CORO7: variants seen among roughly 807,000 people sequenced by gnomAD.
CORO7 encodes the protein coronin 7.
CORO7 carries 107 observed loss-of-function variants against 126.6 expected under a neutral mutation model. The observed-to-expected ratio is 0.85, with a 90% CI of 0.72 to 0.99. CORO7 has a LOEUF of 0.99. CORO7 is among the 50% of genes least tolerant of loss of function. The pLI is 0.00. For missense variants in CORO7, 1,314 were observed against 1,255.8 expected, an observed-to-expected ratio of 1.05 and a Z score of -0.70; for synonymous variants, 603 against 536.8, an observed-to-expected ratio of 1.12 and a Z score of -1.70.
intron 6 of CORO7, among the ~76,000 whole-genome samples, chr16:4,404,125 AAGTT>A (rs1210443706): frequency 6.6e-6 from 1 of 152,244 alleles, no homozygotes; most frequent in African/African-American, 2.4e-5. Context: ...ACAGAAAAGA[AAGTT>A]AGACTAGGGT....
At chr16:4,384,968 G>A (rs1488094383) in intron 9 of CORO7, among the ~76,000 whole-genome samples, 1 of 152,184 alleles carries the variant, frequency 6.6e-6, no homozygotes. Context: ...GGTGGCAGGG[G>A]GCAGTGGCGG....
Position 4,409,059 on chromosome 16 carries a change from G to A in CORO7, c.233-808C>T, listed in dbSNP as rs532497597. 1.3e-5 allele frequency among the ~76,000 whole-genome samples: 2 copies of A among 152,168 alleles called. 1 individual carries two copies. The highest frequency in any genetic ancestry group is 4.1e-4 in the South Asian group (2 of 4,834). ...GAGCCAGACCCCAGAGGGAAATGCG[G>A]TGGGTGGTTGGGGAGGTAGAGACTA... On this transcript the variant is annotated intron_variant, in intron 3 of 27. Transcript: ENST00000251166.
chr16:4,390,799 T>C (rs1157006194), intron 7 of CORO7, among the ~76,000 whole-genome samples: 1 of 152,172 alleles, frequency 6.6e-6, no homozygotes, highest in Admixed American at 6.5e-5. Flanking sequence ...CTGCACAAGA[T>C]GGACGTGAGG....
rs201660347 is a variant in CORO7 at position 4,362,691 on chromosome 16, G to A, written c.1323C>T (p.Pro441=). Residue 441 remains proline (P), a synonymous_variant, in exon 15 of 28, where the codon CCC becomes CCT. Coordinates refer to ENST00000251166, the MANE Select transcript of CORO7 (RefSeq NM_024535.5). This position sits in a 1 kb window ranked among gnomAD's most constrained non-coding sequence, Gnocchi z 5.3. The part of the protein sequence containing the change: ...PPSSLTSPST[P]SSLGPSLSST... ...TGGAGAGTGAGGGCCCCAGGCTGGAGGGCGTGGAGGGCGAGGTCAGCGAAC... is the reference window on the plus strand; with the variant it reads ...TGGAGAGTGAGGGCCCCAGGCTGGAAGGCGTGGAGGGCGAGGTCAGCGAAC... The A allele has an allele frequency of 4.8e-6, 7 of 1,473,548 alleles. No individual in the cohort carries two copies. In the African/African-American group the frequency reaches 8.7e-5, roughly 18 times the overall value. The allele number at this position is 1,473,548 out of a possible 1,614,324, so 91.3% of individuals were successfully genotyped here.
chr16:4,392,968 T>C (rs1360881714), intron 7 of CORO7, among the ~76,000 whole-genome samples: 1 of 152,130 alleles, frequency 6.6e-6, no homozygotes. Context: ...CCTCTCCCTC[T>C]CTCTTCGAGG....
In CORO7 at chr16:4,358,367, C is replaced by A. The variant is rs765714986; in HGVS notation, c.2457G>T (p.Arg819=). 3.7e-5 allele frequency: 60 copies of A among 1,612,114 alleles called. No homozygotes were observed. The highest frequency in any genetic ancestry group is 1.3e-4 in the East Asian group (6 of 44,866). Residue 819 remains arginine, a splice_region_variant and synonymous_variant, in exon 24 of 28, where the codon CGG becomes CGT. Coordinates refer to ENST00000251166, the MANE Select transcript of CORO7 (RefSeq NM_024535.5). ...EPVAFRLPRV[R]KEFFQDDVFP... ...GGGAGTCCCAGGTCCCCACCCTCAC[C>A]CGGACTCGGGGCAGCCGGAAGGCCA... is the stretch of plus-strand genomic sequence containing the variant.
rs1245815461 is a variant in CORO7, at chr16:4,365,538, C to T, written c.793G>A (p.Val265Met). ...LTLDTSLGCL[V>M]PLLDPDSGLL... is the part of the protein sequence containing the mutation. ...CCAGAGTCAGGGTCCAGCAGAGGCA[C>T]GAGACACCTGGGGAAGAGAGGGCAA... is the stretch of plus-strand genomic sequence containing the variant. The change falls in exon 10 of 28, where the codon GTG becomes ATG. Residue 265 changes from valine to methionine, a missense_variant. Val to Met is a conservative substitution (Grantham distance 21). Coordinates refer to ENST00000251166, the MANE Select transcript of CORO7 (RefSeq NM_024535.5). The T allele has an allele frequency of 1.1e-5, 17 of 1,581,388 alleles. No individual in the cohort carries two copies. Among genetic ancestry groups the T allele is most frequent in the South Asian group, 4.6e-5 (4 of 86,208 alleles).
At chr16:4,360,886 C>A in intron 19 of CORO7, 57 bp downstream of exon 19, 1 of 344,990 alleles carries the variant, frequency 2.9e-6, no homozygotes, top group Non-Finnish European at 4.6e-6. Context: ...CCCCACCTCT[C>A]CACACTGCTG....
rs545964993 is a variant in CORO7, at chr16:4,413,318, G to A, written c.147C>T (p.Ser49=). Residue 49 remains serine, a synonymous_variant, in exon 2 of 28, where the codon TCC becomes TCT. Coordinates refer to ENST00000251166, the MANE Select transcript of CORO7 (RefSeq NM_024535.5). The part of the protein sequence containing the change: ...KSSCSLIAFN[S]DRPGVLGIVP... ...ATGGCCATTCCCTACCAGGACGGTC[G>A]GAGTTGAAGGCGATCAAGCTGCAGC... 249 of 1,579,778 alleles carry A rather than the reference G, an allele frequency of 1.6e-4. 4 individuals carry two copies. The South Asian group carries it at 2.3e-3, about 15-fold the overall frequency.
chr16:4,387,023 T>G (rs2055215366), intron 9 of CORO7, among the ~76,000 whole-genome samples: 1 of 152,208 alleles, frequency 6.6e-6, no homozygotes, highest in Non-Finnish European at 1.5e-5. Flanking sequence ...TGAATAAGCT[T>G]GCCAAGTACC....
At chr16:4,407,416 T>G (rs2056040767) in intron 5 of CORO7, 85 bp downstream of exon 5, 2 of 1,464,556 alleles carry the variant, frequency 1.4e-6, no homozygotes, top group Middle Eastern at 2.2e-4. Flanking sequence ...TTTTTAAATT[T>G]ATGTGACTAA....
At chr16:4,387,725 C>G in intron 9 of CORO7, 1 of 565,460 alleles carries the variant, frequency 1.8e-6, no homozygotes, top group South Asian at 2.2e-5. Flanking sequence ...GTGTCAACCC[C>G]CAGCCATGAA....
chr16:4,381,504 G>A, intron 9 of CORO7: 1 of 1,593,524 alleles, frequency 6.3e-7, no homozygotes, highest in African/African-American at 1.3e-5. Context: ...AGCTGGACGA[G>A]GGGCTCTTCA....
intron 6 of CORO7, among the ~76,000 whole-genome samples, chr16:4,399,256 T>C (rs909409387): frequency 2.6e-5 from 4 of 152,102 alleles, no homozygotes; most frequent in Non-Finnish European, 4.4e-5. Context: ...GATGGATAAA[T>C]GGATAAACAA....
intron 7 of CORO7, among the ~76,000 whole-genome samples, chr16:4,390,876 G>A (rs886077290): frequency 1.3e-4 from 20 of 152,192 alleles, no homozygotes; most frequent in African/African-American, 4.3e-4. Context: ...AGGAGGAGCC[G>A]CCCAGGACCA....
At position 4,377,793 on chromosome 16, in the gene CORO7, G is replaced by A. The variant is rs190388586; in HGVS notation, c.785+10193C>T. ...CCCTCCTCCCTTTGATGTGGGGGTA[G>A]AATTGGGGCTCAGGCAAAAGAGCTC... On this transcript the variant is annotated intron_variant, in intron 9 of 27. Transcript: ENST00000251166. Among the ~76,000 whole-genome samples the A allele has an allele frequency of 2.2e-3, 333 of 152,320 alleles. 3 individuals carry two copies. The highest frequency in any genetic ancestry group is 7.8e-3 in the African/African-American group (323 of 41,568).
At chr16:4,401,577 G>A (rs2055809787) in intron 6 of CORO7, among the ~76,000 whole-genome samples, 1 of 152,198 alleles carries the variant, frequency 6.6e-6, no homozygotes, top group Non-Finnish European at 1.5e-5. Context: ...ATGAGAGACA[G>A]AAGACAGAGA....
At chr16:4,359,252 A>T (rs2054079568) in intron 23 of CORO7, 44 bp downstream of exon 23, 1 of 1,541,496 alleles carries the variant, frequency 6.5e-7, no homozygotes, top group Admixed American at 2.0e-5. Flanking sequence ...GGGGCAGGGC[A>T]GCCTTGTGGT....
At position 4,364,653 on chromosome 16, in the gene CORO7, C is replaced by A; in HGVS notation, c.1081G>T (p.Ala361Ser). 6.3e-7 allele frequency: 1 copy of A among 1,580,536 alleles called. No individual in the cohort carries two copies. The highest frequency in any genetic ancestry group is 8.6e-7 in the Non-Finnish European group (1 of 1,164,136). ...EFHEDLFPDT[A>S]GCVPATDPHS... Reference sequence around the variant, plus strand: ...GGGTCGGTGGCAGGCACACAGCCGGCAGTGTCCGGGAACAGGTCCTCGTGG... The same window carrying A: ...GGGTCGGTGGCAGGCACACAGCCGGAAGTGTCCGGGAACAGGTCCTCGTGG... Residue 361 changes from alanine (A) to serine (S), a missense_variant, in exon 13 of 28, where the codon GCC (alanine) becomes TCC (serine). Transcript: ENST00000251166.
Sources: allele counts gnomAD v4.1 joint callset (sites outside exome capture counted in the v4.1 genomes callset), GRCh38; gene constraint gnomAD v4.1.1; non-coding constraint Gnocchi (gnomAD v3.1); transcripts MANE v1.5; gene names NCBI Gene and HGNC (gene_info 2026-07-23, HGNC 2026-07-21).